MRPL47: variants seen among roughly 807,000 people sequenced by gnomAD.
The protein encoded by MRPL47 is large ribosomal subunit protein uL29m.
MRPL47 carries 31 observed loss-of-function variants against 34.0 expected under a neutral mutation model. The ratio of observed to expected loss-of-function variants is 0.91; its 90% CI spans 0.68 to 1.23. The LOEUF is 1.23. Among genes scored for constraint, MRPL47 ranks in the 50% most tolerant of loss-of-function variants. The pLI is 0.00. For synonymous variants in MRPL47, 106 were observed against 101.6 expected (o/e 1.04, Z -0.26); for missense variants, 328 against 285.8 (o/e 1.15, Z -1.07).
chr3:179,604,642 A>C (rs1173137162), upstream of MRPL47: 1 of 1,613,920 alleles, frequency 6.2e-7, no homozygotes, highest in African/African-American at 1.3e-5. Flanking sequence ...CATAACTGGC[A>C]AAACGCGTTT....
chr3:179,595,190 C>A (rs1718765920), intron 4 of MRPL47, among the ~76,000 whole-genome samples: 1 of 152,110 alleles, frequency 6.6e-6, no homozygotes. Context: ...GGACTACAGG[C>A]ATGCACCACC....
intron 3 of MRPL47, among the ~76,000 whole-genome samples, chr3:179,600,994 A>G (rs553016017): frequency 2.0e-5 from 3 of 152,384 alleles, no homozygotes; most frequent in African/African-American, 7.2e-5. Context: ...ACCCTAATTC[A>G]TCAGAGCCTG....
At chr3:179,595,886 C>A (rs1718778592) in intron 4 of MRPL47, among the ~76,000 whole-genome samples, 1 of 152,220 alleles carries the variant, frequency 6.6e-6, no homozygotes, top group African/African-American at 2.4e-5. Flanking sequence ...AGAGTATACA[C>A]TTCTCTTTAC....
rs1718589871 is a variant in MRPL47, at chr3:179,588,817, C to T, written c.*55G>A. The T allele has an allele frequency of 3.9e-6, 6 of 1,544,676 alleles. No individual in the cohort carries two copies. The highest frequency in any genetic ancestry group is 5.3e-6 in the Non-Finnish European group (6 of 1,132,456). On this transcript the variant is annotated 3_prime_UTR_variant, in exon 7 of 7. Coordinates refer to ENST00000476781, the MANE Select transcript of MRPL47 (RefSeq NM_020409.3). ...TATAAACCACTTAACATATTTACTCCTGTACACAGACTATTCAAGAAAAAC... is the reference window on the plus strand; with the variant it reads ...TATAAACCACTTAACATATTTACTCTTGTACACAGACTATTCAAGAAAAAC...
At chr3:179,589,358 G>A (rs575555618) in intron 6 of MRPL47, among the ~76,000 whole-genome samples, 32 of 152,180 alleles carry the variant, frequency 2.1e-4, no homozygotes, top group African/African-American at 7.5e-4. Flanking sequence ...TTGAAAGTAG[G>A]GAATTCCCAT....
chr3:179,603,012 T>C (rs1219840572), intron 1 of MRPL47, among the ~76,000 whole-genome samples: 1 of 151,624 alleles, frequency 6.6e-6, no homozygotes, highest in African/African-American at 2.4e-5. Context: ...GCTCAAGTGA[T>C]CCTCCCACCT....
In MRPL47 at chr3:179,592,736, G is replaced by A; in HGVS notation, c.537C>T (p.His179=). 1 of 1,607,440 alleles carries A rather than the reference G, an allele frequency of 6.2e-7. No homozygotes were observed. Among genetic ancestry groups the A allele is most frequent in the East Asian group, 2.2e-5 (1 of 44,828 alleles). ...RRDIFGRIIW[H]KFKQWVIPWH... ...AAGGTATAACCCACTGCTTGAACTTGTGCCTGCCAATAAAGCAAAAAGTTA... is the reference window on the plus strand; with the variant it reads ...AAGGTATAACCCACTGCTTGAACTTATGCCTGCCAATAAAGCAAAAAGTTA... The change falls in exon 6 of 7, where the codon CAC becomes CAT. Residue 179 remains histidine (H), a synonymous_variant. Coordinates refer to ENST00000476781, the MANE Select transcript of MRPL47 (RefSeq NM_020409.3).
intron 1 of MRPL47, 39 bp from the exon 2 acceptor site, chr3:179,602,836 A>G (rs371378315): frequency 1.8e-5 from 27 of 1,495,628 alleles, no homozygotes; most frequent in Non-Finnish European, 2.3e-5. Context: ...AAGTTTTATA[A>G]TATCTGGATT....
Position 179,588,801 on chromosome 3 carries a change from CTT to C in MRPL47, c.*69_*70del. 6 of 1,419,268 alleles carry C rather than the reference CTT, an allele frequency of 4.2e-6. No homozygotes were observed. The highest frequency in any genetic ancestry group is 5.7e-6 in the Non-Finnish European group (6 of 1,047,036). The allele number at this position is 1,419,268 out of a possible 1,614,324, so 87.9% of individuals were successfully genotyped here. ...AAAAACAGAATTTCTTTATAAACCA[CTT>C]AACATATTTACTCCTGTACACAGAC... On this transcript the variant is annotated 3_prime_UTR_variant, in exon 7 of 7. Coordinates refer to ENST00000476781, the MANE Select transcript of MRPL47 (RefSeq NM_020409.3).
chr3:179,592,613 AAT>A lies in MRPL47; in HGVS notation c.629+29_629+30del, dbSNP rs1166842732. The A allele has an allele frequency of 3.8e-6, 5 of 1,317,792 alleles. No individual in the cohort carries two copies. In the African/African-American group the frequency reaches 4.3e-5, roughly 11 times the overall value. The allele number at this position is 1,317,792 out of a possible 1,614,324, so 81.6% of individuals were successfully genotyped here. A position where few individuals can be genotyped will look rare whatever the true frequency, so the allele number is the denominator to read the frequency against. On this transcript the variant is annotated intron_variant, in intron 6 of 6. Coordinates refer to ENST00000476781, the MANE Select transcript of MRPL47 (RefSeq NM_020409.3). ...ACCATATGTCATCTGGTATAAAGAT[AAT>A]ATGTTTTATTAAAGGTGCTTGTGCT...
At position 179,588,750 on chromosome 3, in the gene MRPL47, C is replaced by T; in HGVS notation, c.*122G>A. ...TAGCATGCCATATTCACACTTAGAA[C>T]AACTGATTAGTAAAGTCACTTGACT... On this transcript the variant is annotated 3_prime_UTR_variant, in exon 7 of 7. Coordinates refer to ENST00000476781, the MANE Select transcript of MRPL47 (RefSeq NM_020409.3). The T allele has an allele frequency of 1.1e-6, 1 of 950,196 alleles. No individual in the cohort carries two copies. The allele number at this position is 950,196 out of a possible 1,614,324, so 58.9% of individuals were successfully genotyped here.
chr3:179,598,594 G>T, intron 4 of MRPL47, 81 bp downstream of exon 4: 1 of 901,994 alleles, frequency 1.1e-6, no homozygotes, highest in Non-Finnish European at 1.8e-6. Flanking sequence ...AAATCTATTT[G>T]ACAAGAAATA....
chr3:179,590,292 T>C (rs1419828395), intron 6 of MRPL47, among the ~76,000 whole-genome samples: 1 of 150,270 alleles, frequency 6.7e-6, no homozygotes, highest in Non-Finnish European at 1.5e-5. Context: ...TGAGCCGAGA[T>C]CGCACCACTG....
At chr3:179,590,302 G>A (rs1718643835) in intron 6 of MRPL47, among the ~76,000 whole-genome samples, 1 of 150,852 alleles carries the variant, frequency 6.6e-6, no homozygotes, top group Non-Finnish European at 1.5e-5. Context: ...TCGCACCACT[G>A]CACTCTAGCC....
intron 3 of MRPL47, among the ~76,000 whole-genome samples, chr3:179,600,540 G>A (rs1466764831): frequency 6.6e-6 from 1 of 152,172 alleles, no homozygotes; most frequent in Non-Finnish European, 1.5e-5. Flanking sequence ...TACTTGAGAG[G>A]CTGAGGCATG....
chr3:179,598,429 C>CACACACACAA (rs370530062), intron 4 of MRPL47, among the ~76,000 whole-genome samples: 3 of 118,820 alleles, frequency 2.5e-5, no homozygotes, highest in Admixed American at 8.7e-5. Context: ...CACACACAAA[C>CACACACACAA]AAAAAAAAAA....
At chr3:179,592,371 T>A (rs1484155849) in intron 6 of MRPL47, among the ~76,000 whole-genome samples, 1 of 152,012 alleles carries the variant, frequency 6.6e-6, no homozygotes, top group Non-Finnish European at 1.5e-5. Flanking sequence ...ATTTTTTGTA[T>A]ATTTAGTAGA....
Position 179,598,651 on chromosome 3 carries a change from TCTCCAGC to T in MRPL47, c.402+17_402+23del. On this transcript the variant is annotated intron_variant, in intron 4 of 6. Transcript: ENST00000476781. ...TTTTAGCTGTAATCATGTATACCAGTCTCCAGCCTCTCCCAATCCTTACCTTATCTAA... is the reference window on the plus strand; with the variant it reads ...TTTTAGCTGTAATCATGTATACCAGTCTCTCCCAATCCTTACCTTATCTAA... 7.0e-7 allele frequency: 1 copy of T among 1,419,420 alleles called. No individual in the cohort carries two copies. The highest frequency in any genetic ancestry group is 1.0e-6 in the Non-Finnish European group (1 of 1,002,862). The allele number at this position is 1,419,420 out of a possible 1,614,324, so 87.9% of individuals were successfully genotyped here.
chr3:179,602,756 G>A lies in MRPL47; in HGVS notation c.140C>T (p.Thr47Ile), dbSNP rs201776037. ...SLLPKSTPNV[T>I]SFHQYRLLHT... ...AAGTAATCTATATTGGTGAAAGGAT[G>A]TCACATTTGGTGTACTCTTAGGCAA... The change falls in exon 2 of 7, where the codon ACA becomes ATA. Residue 47 changes from threonine (T) to isoleucine (I), a missense_variant. Physicochemically the swap from Thr to Ile is moderately conservative, Grantham distance 89 (BLOSUM62 -1). Coordinates refer to ENST00000476781, the MANE Select transcript of MRPL47 (RefSeq NM_020409.3). 3.1e-6 allele frequency: 5 copies of A among 1,611,552 alleles called. No individual in the cohort carries two copies. The African/African-American group carries it at 5.3e-5, about 17-fold the overall frequency.
Sources: allele counts gnomAD v4.1 joint callset (sites outside exome capture counted in the v4.1 genomes callset), GRCh38; gene constraint gnomAD v4.1.1; transcripts MANE v1.5; gene names NCBI Gene and HGNC (gene_info 2026-07-23, HGNC 2026-07-21).